TRIM44: variants seen among roughly 807,000 people sequenced by gnomAD.
TRIM44 encodes the protein tripartite motif-containing protein 44.
TRIM44 carries 13 observed loss-of-function variants against 37.4 expected under a neutral mutation model. The observed-to-expected ratio is 0.35, with a 90% CI of 0.23 to 0.55. TRIM44 has a LOEUF of 0.55. Among genes scored for constraint, TRIM44 ranks in the 20% least tolerant of loss-of-function variants. The pLI is 0.89. For missense variants in TRIM44, 426 were observed against 437.2 expected (o/e 0.97, Z 0.23); for synonymous variants, 175 against 157.2 (o/e 1.11, Z -0.85).
intron 3 of TRIM44, among the ~76,000 whole-genome samples, chr11:35,726,929 G>T (rs571613557): frequency 1.3e-5 from 2 of 152,098 alleles, no homozygotes; most frequent in South Asian, 4.2e-4. Flanking sequence ...GGAGGCTAGG[G>T]TGGAAGGATT....
intron 2 of TRIM44, among the ~76,000 whole-genome samples, chr11:35,705,675 C>G (rs998296955): frequency 6.8e-6 from 1 of 148,076 alleles, no homozygotes; most frequent in African/African-American, 2.4e-5. Flanking sequence ...GGGTACATAA[C>G]AAAATGAAGG....
intron 1 of TRIM44, among the ~76,000 whole-genome samples, chr11:35,674,217 G>GGA (rs560545193): frequency 7.0e-6 from 1 of 142,254 alleles, no homozygotes; most frequent in Admixed American, 7.4e-5. Context: ...TGTGTGAGTG[G>GGA]GAGAGAGAGA....
intron 3 of TRIM44, among the ~76,000 whole-genome samples, chr11:35,733,668 G>GTTTGATT (rs1382104966): frequency 6.6e-6 from 1 of 152,066 alleles, no homozygotes; most frequent in Non-Finnish European, 1.5e-5. Flanking sequence ...CAAATGGCTA[G>GTTTGATT]TTTGATTTAA....
At position 35,703,090 on chromosome 11, in the gene TRIM44, G is replaced by A. The variant is rs540027010; in HGVS notation, c.747+17754G>A. On this transcript the variant is annotated intron_variant, in intron 2 of 4. Transcript: ENST00000299413. ...TTTTCCGACGGGCTTAAAAAACGGC[G>A]CACCAGGAGATTATATCCCGCACAT... Among the ~76,000 whole-genome samples, 290 of 152,298 alleles carry A rather than the reference G, an allele frequency of 1.9e-3. 2 individuals are homozygous for A. The highest frequency in any genetic ancestry group is 4.0e-3 in the African/African-American group (165 of 41,580).
chr11:35,693,433 G>T (rs1248513168), intron 2 of TRIM44, among the ~76,000 whole-genome samples: 1 of 152,080 alleles, frequency 6.6e-6, no homozygotes, highest in African/African-American at 2.4e-5. Context: ...GTCTTGCAAA[G>T]ATAGGCACAG....
rs60553482 is a variant in TRIM44 at position 35,759,019 on chromosome 11, T to C, written c.1007+23574T>C. Among the ~76,000 whole-genome samples the C allele has an allele frequency of 8.8e-3, 1,337 of 152,308 alleles. 17 individuals are homozygous for C. Among genetic ancestry groups the C allele is most frequent in the African/African-American group, 0.03 (1,243 of 41,548 alleles). On this transcript the variant is annotated intron_variant, in intron 4 of 4. Coordinates refer to ENST00000299413, the MANE Select transcript of TRIM44 (RefSeq NM_017583.6). ...CAAGGAGTATCTTTGTGGCATTCTC[T>C]GTATTTCCTGAATTTGAATGTTGGC...
rs1853455623 is a variant in TRIM44 at position 35,806,677 on chromosome 11, A to T, written c.*292A>T. The T allele has an allele frequency of 1.4e-5, 5 of 360,432 alleles. No individual in the cohort carries two copies. The highest frequency in any genetic ancestry group is 2.5e-5 in the Non-Finnish European group (5 of 199,158). The allele number at this position is 360,432 out of a possible 1,614,324, so 22.3% of individuals were successfully genotyped here. On this transcript the variant is annotated 3_prime_UTR_variant, in exon 5 of 5. Coordinates refer to ENST00000299413, the MANE Select transcript of TRIM44 (RefSeq NM_017583.6). ...ATCCCTCAATGGCTGCTTTGAACTTACTCAGGAAAGCCAGCCCCCATAATA... is the reference window on the plus strand; with the variant it reads ...ATCCCTCAATGGCTGCTTTGAACTTTCTCAGGAAAGCCAGCCCCCATAATA...
At chr11:35,708,584 A>G (rs1296731478) in intron 2 of TRIM44, among the ~76,000 whole-genome samples, 4 of 151,794 alleles carry the variant, frequency 2.6e-5, no homozygotes, top group Non-Finnish European at 4.4e-5. Flanking sequence ...ATGCAGCCAT[A>G]AAAATGAAGA....
intron 2 of TRIM44, among the ~76,000 whole-genome samples, chr11:35,691,685 C>T (rs1436236948): frequency 1.3e-5 from 2 of 152,044 alleles, no homozygotes; most frequent in African/African-American, 4.8e-5. Flanking sequence ...TGCTGTGTTG[C>T]CCAGGCTGGA....
In TRIM44 at chr11:35,759,062, G is replaced by T. The variant is rs1279195050; in HGVS notation, c.1007+23617G>T. Among the ~76,000 whole-genome samples the T allele has an allele frequency of 6.6e-5, 10 of 152,236 alleles. No homozygotes were observed. In the East Asian group the frequency reaches 1.9e-3, roughly 29 times the overall value. ...ATGTTGGCCTGCCTTGCTAGATTGG[G>T]GAAGTTCTCCTGGATAATATCCTGC... On this transcript the variant is annotated intron_variant, in intron 4 of 4. Coordinates refer to ENST00000299413, the MANE Select transcript of TRIM44 (RefSeq NM_017583.6).
intron 4 of TRIM44, among the ~76,000 whole-genome samples, chr11:35,738,932 A>G (rs1852358420): frequency 6.6e-6 from 1 of 152,216 alleles, no homozygotes; most frequent in Non-Finnish European, 1.5e-5. Context: ...GATTCCAACC[A>G]GTCTCCATGG....
rs1336739023 is a variant in TRIM44 at position 35,752,475 on chromosome 11, A to C, written c.1007+17030A>C. On this transcript the variant is annotated intron_variant, in intron 4 of 4. Coordinates refer to ENST00000299413, the MANE Select transcript of TRIM44 (RefSeq NM_017583.6). The stretch of plus-strand genomic sequence containing the variant: ...TTACATTGTGTCTGGAATTTGTGTC[A>C]GAATAACCTGTGGTTCTCCCCCTCC... 5.9e-5 allele frequency among the ~76,000 whole-genome samples: 9 copies of C among 152,322 alleles called. No individual in the cohort carries two copies. The South Asian group carries it at 1.5e-3, about 25-fold the overall frequency.
intron 2 of TRIM44, among the ~76,000 whole-genome samples, chr11:35,712,801 A>T (rs532235811): frequency 6.6e-6 from 1 of 152,208 alleles, no homozygotes; most frequent in Non-Finnish European, 1.5e-5. Context: ...GCAGGATTGT[A>T]TTTGACAGTT....
At chr11:35,714,676 T>C (rs561931343) in intron 2 of TRIM44, among the ~76,000 whole-genome samples, 1 of 152,324 alleles carries the variant, frequency 6.6e-6, no homozygotes, top group East Asian at 1.9e-4. Flanking sequence ...TCAGATAAAA[T>C]AGGCTTTCTT....
At chr11:35,699,463 A>G (rs958088367) in intron 2 of TRIM44, among the ~76,000 whole-genome samples, 6 of 152,144 alleles carry the variant, frequency 3.9e-5, no homozygotes, top group African/African-American at 1.4e-4. Flanking sequence ...CAAAATAATA[A>G]GAGCCATCTA....
Position 35,663,477 on chromosome 11 carries a change from T to G in TRIM44, c.366T>G (p.Asp122Glu), listed in dbSNP as rs1565399880. The change falls in exon 1 of 5, where the codon GAT (aspartate) becomes GAG (glutamate). Residue 122 changes from aspartate (D) to glutamate (E), a missense_variant. This residue lies in a region of TRIM44 where 331 missense variants were observed against 303.0 expected (regional missense o/e 1.09). Coordinates refer to ENST00000299413, the MANE Select transcript of TRIM44 (RefSeq NM_017583.6). ...AGGAAGAGAGTGAGGATGAGAGCGA[T>G]GAGGAGAGTGAAGAAGACAGCGAGG... ...ETEEESEDES[D>E]EESEEDSEEE... 1 of 1,567,792 alleles carries G rather than the reference T, an allele frequency of 6.4e-7. No individual in the cohort carries two copies. Among genetic ancestry groups the G allele is most frequent in the South Asian group, 1.2e-5 (1 of 86,368 alleles).
At chr11:35,707,370 A>G (rs1851900631) in intron 2 of TRIM44, among the ~76,000 whole-genome samples, 1 of 152,204 alleles carries the variant, frequency 6.6e-6, no homozygotes, top group Admixed American at 6.5e-5. Flanking sequence ...TGCCATCCCC[A>G]TGAAGCTACC....
intron 1 of TRIM44, among the ~76,000 whole-genome samples, chr11:35,673,005 C>T (rs1851415973): frequency 6.6e-6 from 1 of 152,110 alleles, no homozygotes; most frequent in South Asian, 2.1e-4. Context: ...GTGAGGCCTG[C>T]AGTTCTGGGA....
intron 3 of TRIM44, among the ~76,000 whole-genome samples, chr11:35,732,346 G>A (rs1337359518): frequency 1.3e-5 from 2 of 152,058 alleles, no homozygotes; most frequent in Non-Finnish European, 2.9e-5. Flanking sequence ...TAGGGATTTG[G>A]GAGCAGTGCT....
Sources: allele counts gnomAD v4.1 joint callset (sites outside exome capture counted in the v4.1 genomes callset), GRCh38; gene constraint gnomAD v4.1.1; regional missense constraint gnomAD v4.1.1; transcripts MANE v1.5; gene names NCBI Gene and HGNC (gene_info 2026-07-23, HGNC 2026-07-21).